Variants in SHANK2 observed in about 807,000 individuals in gnomAD.
The protein encoded by SHANK2 is SH3 and multiple ankyrin repeat domains protein 2.
Under a neutral mutation model 133.7 loss-of-function variants are expected in SHANK2, and 43 were observed. That is an observed-to-expected ratio of 0.32 (90% CI 0.25 to 0.41). The LOEUF is 0.41. Ranked by LOEUF, SHANK2 falls within the 10% of genes least tolerant of loss-of-function variation. SHANK2 has a pLI of 1.00. For synonymous variants in SHANK2, 1,017 were observed against 952.8 expected, an observed-to-expected ratio of 1.07 and a Z score of -1.24; for missense variants, 1,994 against 2,235.8, an observed-to-expected ratio of 0.89 and a Z score of 2.18.
At chr11:70,651,620 C>G (rs2061340296) in intron 17 of SHANK2, among the ~76,000 whole-genome samples, 1 of 152,164 alleles carries the variant, frequency 6.6e-6, no homozygotes, top group Admixed American at 6.5e-5. Context: ...ATGCTATTAC[C>G]CTTGGTCAAT....
chr11:70,502,163 C>T (rs782248739), intron 19 of SHANK2, 43 bp downstream of exon 19: 19 of 1,541,640 alleles, frequency 1.2e-5, no homozygotes, highest in Middle Eastern at 1.9e-4. Flanking sequence ...GCTCAGGGAC[C>T]GGCATGGTGA....
chr11:71,181,820 A>G (rs1458319860), intron 2 of SHANK2, among the ~76,000 whole-genome samples: 1 of 137,008 alleles, frequency 7.3e-6, no homozygotes, highest in Non-Finnish European at 1.6e-5. Flanking sequence ...TCAGGTTCCC[A>G]GCCCCCCCTC....
chr11:70,707,415 G>A (rs547671491), intron 14 of SHANK2, among the ~76,000 whole-genome samples: 4 of 148,166 alleles, frequency 2.7e-5, no homozygotes, highest in Non-Finnish European at 6.0e-5. Flanking sequence ...AGAGATAGAA[G>A]GTGAGAGGTG....
chr11:71,204,717 A>G (rs1243766332), intron 2 of SHANK2, among the ~76,000 whole-genome samples: 5 of 152,126 alleles, frequency 3.3e-5, no homozygotes, highest in Non-Finnish European at 7.4e-5. Flanking sequence ...GACCAGAGAC[A>G]CAGAAAACAA....
upstream of SHANK2, chr11:71,252,608 T>G (rs1948204457): frequency 6.6e-6 from 1 of 150,816 alleles, no homozygotes; most frequent in Non-Finnish European, 1.5e-5. This position sits in a 1 kb window ranked among gnomAD's most constrained non-coding sequence, Gnocchi z 6.3. Flanking sequence ...GGGAGCTGGC[T>G]CCGGCGAGGG....
At chr11:70,800,654 C>A (rs1948023935) in intron 13 of SHANK2, among the ~76,000 whole-genome samples, 1 of 152,210 alleles carries the variant, frequency 6.6e-6, no homozygotes, top group Non-Finnish European at 1.5e-5. Flanking sequence ...AGCCACATCC[C>A]AGGTGACCAG....
chr11:71,094,410 G>A (rs997311531), intron 7 of SHANK2, 127 bp downstream of exon 7: 106 of 866,384 alleles, frequency 1.2e-4, no homozygotes, highest in South Asian at 8.2e-4. Flanking sequence ...CACTGTGCAC[G>A]GACTCCTAGG....
chr11:71,247,305 A>T (rs1157224622), intron 1 of SHANK2, among the ~76,000 whole-genome samples: 1 of 152,232 alleles, frequency 6.6e-6, no homozygotes, highest in East Asian at 1.9e-4. Context: ...CTTTACAAAT[A>T]TTTAAACCTA....
intron 11 of SHANK2, among the ~76,000 whole-genome samples, chr11:70,835,366 G>A (rs1178201233): frequency 6.6e-6 from 1 of 152,164 alleles, no homozygotes; most frequent in Non-Finnish European, 1.5e-5. Context: ...CGAGGACACA[G>A]GACGCTCAGT....
At chr11:71,064,128 T>C (rs903433669) in intron 9 of SHANK2, among the ~76,000 whole-genome samples, 5 of 152,222 alleles carry the variant, frequency 3.3e-5, no homozygotes, top group Non-Finnish European at 7.3e-5. Flanking sequence ...CATCGATGCA[T>C]GCAGTGAGTC....
intron 11 of SHANK2, among the ~76,000 whole-genome samples, chr11:70,851,393 T>G (rs1290785618): frequency 6.6e-6 from 1 of 152,224 alleles, no homozygotes; most frequent in East Asian, 1.9e-4. Flanking sequence ...AGCTGTGTGA[T>G]AAGATCCTGA....
intron 11 of SHANK2, among the ~76,000 whole-genome samples, chr11:70,871,993 G>A (rs573003269): frequency 3.9e-5 from 6 of 152,246 alleles, no homozygotes; most frequent in Admixed American, 3.3e-4. Context: ...GCCCCACGAC[G>A]ACATCCCTGA....
chr11:70,515,524 C>T (rs571315832), intron 17 of SHANK2, among the ~76,000 whole-genome samples: 7 of 149,806 alleles, frequency 4.7e-5, no homozygotes, highest in East Asian at 4.0e-4. Context: ...AATGCCAGCC[C>T]GGAGCGGTGG....
At chr11:70,791,853 A>G (rs1947792784) in intron 14 of SHANK2, among the ~76,000 whole-genome samples, 1 of 152,182 alleles carries the variant, frequency 6.6e-6, no homozygotes, top group African/African-American at 2.4e-5. Flanking sequence ...GGGGATGCTC[A>G]TGTGTACAAT....
intron 10 of SHANK2, among the ~76,000 whole-genome samples, chr11:70,931,066 C>T (rs548706728): frequency 6.6e-6 from 1 of 152,278 alleles, no homozygotes; most frequent in South Asian, 2.1e-4. Context: ...CACACGCTAA[C>T]ACATGGATGA....
At chr11:70,759,095 T>A (rs1227341014) in intron 14 of SHANK2, among the ~76,000 whole-genome samples, 1 of 151,424 alleles carries the variant, frequency 6.6e-6, no homozygotes, top group Non-Finnish European at 1.5e-5. Flanking sequence ...GAGGCAGAGG[T>A]TGCAGTGAGC....
chr11:70,547,418 A>C (rs559831985), intron 17 of SHANK2, among the ~76,000 whole-genome samples: 1 of 152,090 alleles, frequency 6.6e-6, no homozygotes, highest in South Asian at 2.1e-4. Flanking sequence ...CTGTCACCAC[A>C]CCTGGCTAAT....
intron 1 of SHANK2, among the ~76,000 whole-genome samples, chr11:71,242,604 A>G (rs2919721): frequency 0.6 from 90,461 of 151,896 alleles, 29,640 homozygotes; most frequent in East Asian, 0.9. Context: ...CTTTCCTCCC[A>G]CACTACATCA....
chr11:70,617,261 G>A (rs1442501684), intron 17 of SHANK2, among the ~76,000 whole-genome samples: 6 of 151,762 alleles, frequency 4.0e-5, no homozygotes, highest in Admixed American at 6.6e-5. Context: ...GTGCATGTGT[G>A]TCAATGTCTA....
Sources: allele counts gnomAD v4.1 joint callset (sites outside exome capture counted in the v4.1 genomes callset), GRCh38; gene constraint gnomAD v4.1.1; non-coding constraint Gnocchi (gnomAD v3.1); transcripts MANE v1.5; gene names NCBI Gene and HGNC (gene_info 2026-07-23, HGNC 2026-07-21).